PROX1: variants seen among roughly 807,000 people sequenced by gnomAD.
PROX1 encodes the protein prospero homeobox protein 1.
A neutral mutation model predicts 58.8 loss-of-function variants in PROX1; 7 were observed. That is an observed-to-expected ratio of 0.12 (90% CI 0.07 to 0.22). PROX1 has a LOEUF of 0.22. PROX1 is among the 10% of genes least tolerant of loss of function. The pLI is 1.00. For missense variants in PROX1, 675 were observed against 927.8 expected (o/e 0.73, Z 3.54); for synonymous variants, 350 against 358.3 (o/e 0.98, Z 0.26).
At chr1:213,994,664 G>T (rs534855216) in intron 1 of PROX1, among the ~76,000 whole-genome samples, 9 of 149,018 alleles carry the variant, frequency 6.0e-5, no homozygotes, top group African/African-American at 2.2e-4. Context: ...ACCCAATGTT[G>T]TAGTTCTTGA....
chr1:213,993,781 A>C (rs112970443), intron 1 of PROX1, among the ~76,000 whole-genome samples: 47 of 152,118 alleles, frequency 3.1e-4, no homozygotes, highest in African/African-American at 1.1e-3. Flanking sequence ...AATTTATCTT[A>C]TTTTTCCCAT....
rs1664997460 is a variant in PROX1 at position 214,041,236 on chromosome 1, A to G, written c.*5402A>G. ...TATATGCAAGCTTGTGCAAAATAAA[A>G]TATACATTACAAGCTCAGTGCCGTT... On this transcript the variant is annotated 3_prime_UTR_variant, in exon 5 of 5. Coordinates refer to ENST00000366958, the MANE Select transcript of PROX1 (RefSeq NM_001270616.2). 1 of 152,172 alleles carries G rather than the reference A, an allele frequency of 6.6e-6. No individual in the cohort carries two copies. The highest frequency in any genetic ancestry group is 6.6e-5 in the Admixed American group (1 of 15,260). 9.4% of individuals were successfully genotyped at this position (152,172 alleles called of 1,614,324 possible). A position where few individuals can be genotyped will look rare whatever the true frequency, so the allele number is the denominator to read the frequency against.
intron 4 of PROX1, among the ~76,000 whole-genome samples, chr1:214,019,688 G>A (rs749998620): frequency 2.6e-5 from 4 of 152,164 alleles, no homozygotes; most frequent in Non-Finnish European, 4.4e-5. Flanking sequence ...TGACACTGAT[G>A]GTGATTATGT....
chr1:213,997,300 A>G lies in PROX1; in HGVS notation c.765A>G (p.Glu255=). 1 of 1,614,134 alleles carries G rather than the reference A, an allele frequency of 6.2e-7. No individual in the cohort carries two copies. Among genetic ancestry groups the G allele is most frequent in the Non-Finnish European group, 8.5e-7 (1 of 1,180,026 alleles). The change falls in exon 2 of 5, where the codon GAA becomes GAG. Residue 255 remains glutamate, a synonymous_variant. Transcript: ENST00000366958. The surrounding 1 kb of genome is among the most constrained non-coding windows in gnomAD (Gnocchi z 7.1). ...DMQKQLRQLQ[E]KFYQIYDSTD... The stretch of plus-strand genomic sequence containing the variant: ...AGAAACAGCTGCGCCAGCTGCAGGA[A>G]AAGTTCTACCAAATCTATGACAGCA...
intron 4 of PROX1, among the ~76,000 whole-genome samples, chr1:214,022,520 T>C (rs990680013): frequency 3.9e-5 from 6 of 152,192 alleles, no homozygotes; most frequent in Non-Finnish European, 8.8e-5. Flanking sequence ...AAACTGGTTT[T>C]CACAAGAGCA....
At chr1:214,023,348 T>A (rs569573992) in intron 4 of PROX1, among the ~76,000 whole-genome samples, 7 of 152,004 alleles carry the variant, frequency 4.6e-5, no homozygotes, top group East Asian at 1.9e-4. Context: ...TTTTTTTTTT[T>A]ATTCTTTTAT....
chr1:214,017,023 A>AGAT (rs1382704662), intron 4 of PROX1, among the ~76,000 whole-genome samples: 2 of 152,204 alleles, frequency 1.3e-5, no homozygotes, highest in African/African-American at 4.8e-5. Flanking sequence ...TTAAAGAAAA[A>AGAT]GATACAGTGT....
At chr1:213,999,961 C>T (rs1267777129) in intron 2 of PROX1, among the ~76,000 whole-genome samples, 1 of 152,042 alleles carries the variant, frequency 6.6e-6, no homozygotes, top group East Asian at 1.9e-4. Flanking sequence ...GGCTAAGACC[C>T]CATTGCACCC....
intron 2 of PROX1, among the ~76,000 whole-genome samples, chr1:214,000,303 C>T (rs950564923): frequency 2.0e-5 from 3 of 152,152 alleles, no homozygotes; most frequent in Admixed American, 6.5e-5. Context: ...TAAGTGTTGG[C>T]TATGTTCATT....
intron 1 of PROX1, among the ~76,000 whole-genome samples, chr1:213,989,129 CCGGGAA>C (rs1057453802): frequency 6.6e-6 from 1 of 152,050 alleles, no homozygotes; most frequent in African/African-American, 2.4e-5. Context: ...CAGCAGAGGA[CCGGGAA>C]CTGGGAGGAG....
At chr1:214,009,793 G>T (rs190081569) in intron 3 of PROX1, among the ~76,000 whole-genome samples, 4 of 152,120 alleles carry the variant, frequency 2.6e-5, no homozygotes, top group Non-Finnish European at 4.4e-5. Flanking sequence ...ACAATGTCTT[G>T]TAACAATGCA....
rs1326905379 is a variant in PROX1 at position 213,988,309 on chromosome 1, G to T, written c.-242G>T. ...TCGCCCCGCTCGCTCGCTCGCTGTC[G>T]CACAGACTCACCGTCCCTTGTCCAA... On this transcript the variant is annotated 5_prime_UTR_variant, in exon 1 of 5. Transcript: ENST00000366958. 6.6e-6 allele frequency: 1 copy of T among 151,738 alleles called. No homozygotes were observed. Among genetic ancestry groups the T allele is most frequent in the Non-Finnish European group, 1.5e-5 (1 of 68,332 alleles). The allele number at this position is 151,738 out of a possible 1,614,324, so 9.4% of individuals were successfully genotyped here.
At chr1:214,019,552 G>A (rs998313446) in intron 4 of PROX1, among the ~76,000 whole-genome samples, 10 of 152,198 alleles carry the variant, frequency 6.6e-5, no homozygotes, top group African/African-American at 1.2e-4. Context: ...GGCAGAGATC[G>A]TTAGGTGGGT....
At chr1:213,986,675 T>C (rs1418422819), upstream of PROX1, among the ~76,000 whole-genome samples, 1 of 152,196 alleles carries the variant, frequency 6.6e-6, no homozygotes, top group Non-Finnish European at 1.5e-5. Context: ...CTTACAAAAA[T>C]GAGTGTCTAA....
At chr1:213,986,755 T>C (rs998000256), upstream of PROX1, among the ~76,000 whole-genome samples, 4 of 152,346 alleles carry the variant, frequency 2.6e-5, no homozygotes, top group African/African-American at 9.6e-5. Context: ...CTTTAGGTCA[T>C]AAACGCGGCT....
At chr1:214,004,714 T>A (rs1663643922) in intron 2 of PROX1, among the ~76,000 whole-genome samples, 2 of 152,230 alleles carry the variant, frequency 1.3e-5, no homozygotes, top group African/African-American at 4.8e-5. Flanking sequence ...TATTTTCATG[T>A]ACATTAGTAG....
chr1:213,990,316 T>A (rs1662981801), intron 1 of PROX1, among the ~76,000 whole-genome samples: 1 of 151,246 alleles, frequency 6.6e-6, no homozygotes, highest in South Asian at 2.1e-4. Context: ...TAGACCACAA[T>A]GCTTGCTCGA....
rs1664813620 is a variant in PROX1 at position 214,035,926 on chromosome 1, T to C, written c.*92T>C. 1 of 1,125,040 alleles carries C rather than the reference T, an allele frequency of 8.9e-7. No individual in the cohort carries two copies. Among genetic ancestry groups the C allele is most frequent in the Admixed American group, 2.7e-5 (1 of 36,512 alleles). 69.7% of individuals were successfully genotyped at this position (1,125,040 alleles called of 1,614,324 possible). ...TGTCTAGATTTTGATTTCATATATA[T>C]GTGTATGGGAGGCATGGATATGTTA... On this transcript the variant is annotated 3_prime_UTR_variant, in exon 5 of 5. Transcript: ENST00000366958.
upstream of PROX1, chr1:213,983,946 G>C (rs1450055904): frequency 6.6e-6 from 1 of 152,278 alleles, no homozygotes; most frequent in Admixed American, 6.5e-5. Context: ...CCGGTTCCTC[G>C]CCGGGCTCTG....
Sources: gnomAD v4.1 joint callset for allele counts (sites outside exome capture counted in the v4.1 genomes callset) on GRCh38, gnomAD v4.1.1 for gene constraint, Gnocchi (gnomAD v3.1) non-coding constraint, MANE v1.5 for transcripts, NCBI Gene and HGNC (gene_info 2026-07-23, HGNC 2026-07-21) for gene names.